CNTNAP2: variants seen among roughly 807,000 people sequenced by gnomAD.
CNTNAP2 encodes contactin-associated protein-like 2.
A neutral mutation model predicts 155.2 loss-of-function variants in CNTNAP2; 98 were observed. The ratio of observed to expected loss-of-function variants is 0.63; its 90% CI spans 0.54 to 0.75. The LOEUF is 0.75. Among genes scored for constraint, CNTNAP2 ranks in the 30% least tolerant of loss-of-function variants. CNTNAP2 has a pLI of 0.00. For synonymous variants in CNTNAP2, 651 were observed against 631.2 expected (o/e 1.03, Z -0.47); for missense variants, 1,727 against 1,688.1 (o/e 1.02, Z -0.40).
chr7:147,263,955 A>C (rs1361717840), intron 8 of CNTNAP2, among the ~76,000 whole-genome samples: 1 of 152,192 alleles, frequency 6.6e-6, no homozygotes, highest in Non-Finnish European at 1.5e-5. Flanking sequence ...CGCATTTGGC[A>C]TGAGGTGCTC....
intron 8 of CNTNAP2, among the ~76,000 whole-genome samples, chr7:147,208,785 A>C (rs1451732135): frequency 6.6e-6 from 1 of 152,028 alleles, no homozygotes; most frequent in Admixed American, 6.6e-5. Context: ...ATGTAATTTG[A>C]TTATAAGAAT....
chr7:147,934,157 T>C (rs544055536), intron 14 of CNTNAP2, among the ~76,000 whole-genome samples: 1 of 152,300 alleles, frequency 6.6e-6, no homozygotes, highest in South Asian at 2.1e-4. Context: ...ACTGTACACT[T>C]AAAAATTTGA....
chr7:146,208,511 A>T (rs1354836580), intron 1 of CNTNAP2, among the ~76,000 whole-genome samples: 1 of 152,116 alleles, frequency 6.6e-6, no homozygotes, highest in East Asian at 1.9e-4. Flanking sequence ...ATAAATCAAT[A>T]AAGTATTACT....
At chr7:146,331,307 A>C (rs953068783) in intron 1 of CNTNAP2, among the ~76,000 whole-genome samples, 11 of 148,230 alleles carry the variant, frequency 7.4e-5, no homozygotes, top group Admixed American at 3.3e-4. Context: ...CCGTCTCAAA[A>C]AAAAAAAAAA....
chr7:147,547,025 C>T, intron 11 of CNTNAP2, among the ~76,000 whole-genome samples: 1 of 152,098 alleles, frequency 6.6e-6, no homozygotes, highest in Non-Finnish European at 1.5e-5. Flanking sequence ...CATTGGTTAC[C>T]ACAGCAGTGG....
intron 13 of CNTNAP2, among the ~76,000 whole-genome samples, chr7:147,886,773 A>AAATTCACCC (rs2116724814): frequency 6.6e-6 from 1 of 152,258 alleles, no homozygotes; most frequent in East Asian, 1.9e-4. Context: ...CTGGCACATC[A>AAATTCACCC]AATTCACCCT....
intron 15 of CNTNAP2, among the ~76,000 whole-genome samples, chr7:148,096,955 C>T (rs1333332794): frequency 2.6e-5 from 4 of 152,092 alleles, no homozygotes; most frequent in Non-Finnish European, 5.9e-5. Flanking sequence ...TAGTGCCTGA[C>T]CTTCCTATAA....
intron 1 of CNTNAP2, among the ~76,000 whole-genome samples, chr7:146,371,243 C>T (rs564234207): frequency 6.6e-6 from 1 of 151,814 alleles, no homozygotes; most frequent in Non-Finnish European, 1.5e-5. Flanking sequence ...AATAATGAGG[C>T]TTTTGCTACT....
intron 3 of CNTNAP2, among the ~76,000 whole-genome samples, chr7:146,939,951 T>C (rs112373371): frequency 9.4e-4 from 143 of 152,244 alleles, no homozygotes; most frequent in African/African-American, 3.2e-3. Context: ...CTTGCCAAAG[T>C]CTCACCGGAC....
intron 1 of CNTNAP2, among the ~76,000 whole-genome samples, chr7:146,344,628 G>A (rs947271327): frequency 6.6e-6 from 1 of 152,030 alleles, no homozygotes; most frequent in Non-Finnish European, 1.5e-5. Flanking sequence ...ACAGGCATGG[G>A]CCACCATGCC....
intron 1 of CNTNAP2, among the ~76,000 whole-genome samples, chr7:146,325,129 C>T (rs1801075123): frequency 1.3e-5 from 2 of 151,980 alleles, no homozygotes; most frequent in Non-Finnish European, 2.9e-5. Flanking sequence ...GGAAGCCTCA[C>T]TCTGTTGCCC....
chr7:147,479,093 G>C (rs886390088), intron 10 of CNTNAP2, among the ~76,000 whole-genome samples: 1 of 152,164 alleles, frequency 6.6e-6, no homozygotes, highest in African/African-American at 2.4e-5. Flanking sequence ...TAAACTCACT[G>C]ATTTATTACT....
chr7:148,357,514 A>T (rs1049875045), intron 21 of CNTNAP2, among the ~76,000 whole-genome samples: 2 of 152,130 alleles, frequency 1.3e-5, no homozygotes, highest in African/African-American at 2.4e-5. Context: ...CCGTTCAATG[A>T]TCAGTTCAGT....
intron 20 of CNTNAP2, among the ~76,000 whole-genome samples, chr7:148,248,745 T>C (rs1317810733): frequency 6.6e-6 from 1 of 152,234 alleles, no homozygotes; most frequent in African/African-American, 2.4e-5. Context: ...CTTTTTTTTA[T>C]TTCTTTCAAG....
chr7:146,623,077 A>G (rs937487944), intron 1 of CNTNAP2, among the ~76,000 whole-genome samples: 1 of 152,118 alleles, frequency 6.6e-6, no homozygotes, highest in African/African-American at 2.4e-5. Flanking sequence ...TGTTAGTGGT[A>G]GCCCCCTGGA....
At chr7:148,240,856 C>A (rs1346287685) in intron 20 of CNTNAP2, among the ~76,000 whole-genome samples, 2 of 152,032 alleles carry the variant, frequency 1.3e-5, no homozygotes, top group Non-Finnish European at 2.9e-5. Flanking sequence ...AGCATCCCAG[C>A]ATGGGAGAAA....
intron 21 of CNTNAP2, among the ~76,000 whole-genome samples, chr7:148,355,085 A>ATCC (rs950790575): frequency 6.8e-6 from 1 of 146,300 alleles, no homozygotes; most frequent in Non-Finnish European, 1.5e-5. Flanking sequence ...TGCTATTATT[A>ATCC]TCCTTAGGGT....
At chr7:147,877,907 A>T (rs2116710908) in intron 13 of CNTNAP2, among the ~76,000 whole-genome samples, 1 of 152,348 alleles carries the variant, frequency 6.6e-6, no homozygotes, top group South Asian at 2.1e-4. Context: ...TGGCTGCTCG[A>T]ATATTACCAT....
chr7:148,275,924 G>A (rs931889521), intron 21 of CNTNAP2, among the ~76,000 whole-genome samples: 29 of 152,178 alleles, frequency 1.9e-4, no homozygotes, highest in African/African-American at 7.0e-4. Flanking sequence ...GGGAGTTACG[G>A]TTGTGACATC....
Sources: gnomAD v4.1 joint callset for allele counts (sites outside exome capture counted in the v4.1 genomes callset) on GRCh38, gnomAD v4.1.1 for gene constraint, MANE v1.5 for transcripts, NCBI Gene and HGNC (gene_info 2026-07-23, HGNC 2026-07-21) for gene names.